The following NRL variants were observed in gnomAD, a reference collection of about 807,000 sequenced individuals.
NRL encodes the protein neural retina leucine zipper.
A neutral mutation model predicts 12.5 loss-of-function variants in NRL; 16 were observed. The observed-to-expected ratio is 1.28, with a 90% confidence interval of 0.87 to 1.95. NRL has a LOEUF of 1.95. Ranked by LOEUF, NRL falls within the 30% of genes most tolerant of loss-of-function variation. The probability of loss-of-function intolerance (pLI) is 0.00; values close to 1 mark genes in which losing one functional copy is unlikely to be tolerated. For missense variants in NRL, 314 were observed against 325.8 expected (o/e 0.96, Z 0.28); for synonymous variants, 142 against 150.9 (o/e 0.94, Z 0.43).
chr14:24,088,193 C>T (rs952564578), intron 1 of NRL, among the ~76,000 whole-genome samples: 1 of 152,214 alleles, frequency 6.6e-6, no homozygotes, highest in African/African-American at 2.4e-5. Flanking sequence ...CCTCTCAGGA[C>T]CACACTCCAG....
At chr14:24,090,820 G>A (rs746448464) in intron 1 of NRL, among the ~76,000 whole-genome samples, 2 of 152,238 alleles carry the variant, frequency 1.3e-5, no homozygotes, top group East Asian at 1.9e-4. Context: ...AAATCTGCAC[G>A]TGAGCCCCTT....
Position 24,094,617 on chromosome 14 carries a change from C to T in NRL, c.-27-11742G>A. On this transcript the variant is annotated intron_variant, in intron 1 of 2. Transcript: ENST00000561028. This position sits in a 1 kb window ranked among gnomAD's most constrained non-coding sequence, Gnocchi z 4.1. ...CGCGTCTCTTGGGAGGGCAGCCGGCCGGTGCTCCTCGTTTCCGCCTGCACC... is the reference window on the plus strand; with the variant it reads ...CGCGTCTCTTGGGAGGGCAGCCGGCTGGTGCTCCTCGTTTCCGCCTGCACC... 3 of 1,465,138 alleles carry T rather than the reference C, an allele frequency of 2.0e-6. No homozygotes were observed. Among genetic ancestry groups the T allele is most frequent in the Non-Finnish European group, 2.7e-6 (3 of 1,109,248 alleles). The allele number at this position is 1,465,138 out of a possible 1,614,324, so 90.8% of individuals were successfully genotyped here.
chr14:24,083,628 C>G (rs767720578), intron 1 of NRL, among the ~76,000 whole-genome samples: 5 of 152,202 alleles, frequency 3.3e-5, no homozygotes, highest in Non-Finnish European at 5.9e-5. Context: ...TCACCTTCAC[C>G]CTTCTGACCC....
rs1342064454 is a variant in NRL at position 24,094,924 on chromosome 14, G to A, written c.-27-12049C>T. 2 of 1,080,192 alleles carry A rather than the reference G, an allele frequency of 1.9e-6. No homozygotes were observed. The highest frequency in any genetic ancestry group is 1.2e-6 in the Non-Finnish European group (1 of 804,622). 66.9% of individuals were successfully genotyped at this position (1,080,192 alleles called of 1,614,324 possible). On this transcript the variant is annotated intron_variant, in intron 1 of 2. Coordinates refer to ENST00000561028, the MANE Select transcript of NRL (RefSeq NM_001354768.3). This position sits in a 1 kb window ranked among gnomAD's most constrained non-coding sequence, Gnocchi z 4.1. ...TAAATATCCATTCCCGGCCTCTCCC[G>A]GACTGGAAGGACTGGAACCTGGCGG...
At chr14:24,083,060 G>A (rs1300838234) in intron 1 of NRL, among the ~76,000 whole-genome samples, 185 bp from the exon 2 acceptor site, 1 of 152,208 alleles carries the variant, frequency 6.6e-6, no homozygotes, top group Admixed American at 6.5e-5. Context: ...GAGGGCAGGG[G>A]CTCCTGACAG....
chr14:24,091,339 C>T (rs2036627125), intron 1 of NRL, among the ~76,000 whole-genome samples: 1 of 152,046 alleles, frequency 6.6e-6, no homozygotes, highest in African/African-American at 2.4e-5. Context: ...TTAGTAGAGA[C>T]GGGGTTTCAC....
chr14:24,091,166 T>TGTGTGTG (rs1491238726), intron 1 of NRL, among the ~76,000 whole-genome samples: 1 of 116,182 alleles, frequency 8.6e-6, no homozygotes, highest in African/African-American at 3.0e-5. Flanking sequence ...TGTGTGTGTG[T>TGTGTGTG]TAGAGACAGA....
chr14:24,104,668 C>A (rs901016689), intron 1 of NRL, among the ~76,000 whole-genome samples: 140 of 144,192 alleles, frequency 9.7e-4, no homozygotes, highest in Non-Finnish European at 1.4e-3. Context: ...CAAAACAAAA[C>A]AAAAAAAAAA....
intron 1 of NRL, chr14:24,084,625 C>G: frequency 3.0e-6 from 3 of 985,438 alleles, no homozygotes; most frequent in Non-Finnish European, 3.6e-6. Context: ...CTGCTCAGCT[C>G]CAGGGGGCTG....
At position 24,082,588 on chromosome 14, in the gene NRL, T is replaced by C; in HGVS notation, c.261A>G (p.Ala87=). The C allele has an allele frequency of 6.2e-7, 1 of 1,613,750 alleles. No individual in the cohort carries two copies. ...TGGCCTCTTCAGGACTCAGCCCCAA[T>C]GCCTCCCCAGCCCCCAGCTGCTGCT... is the stretch of plus-strand genomic sequence containing the variant. ...TLQQQLGAGE[A]LGLSPEEAME... The change falls in exon 2 of 3, where the codon GCA becomes GCG. Residue 87 remains alanine (A), a synonymous_variant. Coordinates refer to ENST00000561028, the MANE Select transcript of NRL (RefSeq NM_001354768.3).
At chr14:24,096,457 G>C (rs1315716847) in intron 1 of NRL, among the ~76,000 whole-genome samples, 2 of 151,978 alleles carry the variant, frequency 1.3e-5, no homozygotes, top group Admixed American at 6.6e-5. Context: ...GTATGGTCTT[G>C]ATCTCCTGAC....
intron 1 of NRL, chr14:24,084,800 G>A (rs1429448876): frequency 1.3e-6 from 1 of 752,034 alleles, no homozygotes; most frequent in Non-Finnish European, 1.6e-6. Flanking sequence ...TATTCTCAAA[G>A]AAGGAAAGGG....
chr14:24,098,271 C>A (rs1252232780), intron 1 of NRL: 11 of 1,614,046 alleles, frequency 6.8e-6, no homozygotes, highest in Non-Finnish European at 9.3e-6. Context: ...GTAACTCCTT[C>A]TCAGCGGGAC....
intron 1 of NRL, chr14:24,102,648 A>C: frequency 2.1e-6 from 2 of 940,914 alleles, no homozygotes; most frequent in Non-Finnish European, 3.2e-6. Context: ...GCAGCTGATG[A>C]GGCAAAAAAA....
Position 24,110,155 on chromosome 14 carries a change from C to T in NRL, c.-28+4567G>A, listed in dbSNP as rs1216636488. 3.2e-5 allele frequency: 5 copies of T among 155,480 alleles called. No homozygotes were observed. In the South Asian group the frequency reaches 7.3e-4, roughly 23 times the overall value. 9.6% of individuals were successfully genotyped at this position (155,480 alleles called of 1,614,324 possible). A position where few individuals can be genotyped will look rare whatever the true frequency, so the allele number is the denominator to read the frequency against. Reference sequence around the variant, plus strand: ...TTTCTTTGAGACGGGGTCTCATTCTCGCCCAGGCTGGATGAAGTGCAGTGG... The same window carrying T: ...TTTCTTTGAGACGGGGTCTCATTCTTGCCCAGGCTGGATGAAGTGCAGTGG... On this transcript the variant is annotated intron_variant, in intron 1 of 2. Transcript: ENST00000561028.
chr14:24,097,268 C>A, intron 1 of NRL: 1 of 842,752 alleles, frequency 1.2e-6, no homozygotes, highest in Non-Finnish European at 1.8e-6. Context: ...TAAACAGACC[C>A]AGAAACTGGG....
rs1173295038 is a variant in NRL at position 24,081,401 on chromosome 14, C to T, written c.549G>A (p.Gln183=). The T allele has an allele frequency of 8.0e-6, 12 of 1,491,662 alleles. No homozygotes were observed. The Admixed American group carries it at 2.7e-4, about 34-fold the overall frequency. The allele number at this position is 1,491,662 out of a possible 1,614,324, so 92.4% of individuals were successfully genotyped here. A position where few individuals can be genotyped will look rare whatever the true frequency, so the allele number is the denominator to read the frequency against. The change falls in exon 3 of 3, where the codon CAG becomes CAA. Residue 183 remains glutamine (Q), a synonymous_variant. Transcript: ENST00000561028. The surrounding 1 kb of genome is among the most constrained non-coding windows in gnomAD (Gnocchi z 4.4). ...CGCGCTCGGCCTCCAGCCCGCGCCG[C>T]TGCTGCAGCCGCTTGGAGCGACAGG... ...AQACRSKRLQ[Q]RRGLEAERAR... is the part of the protein sequence containing the mutation.
At position 24,081,229 on chromosome 14, in the gene NRL, G is replaced by A; in HGVS notation, c.*7C>T. The A allele has an allele frequency of 1.4e-6, 2 of 1,473,812 alleles. No individual in the cohort carries two copies. The highest frequency in any genetic ancestry group is 1.8e-6 in the Non-Finnish European group (2 of 1,109,454). The allele number at this position is 1,473,812 out of a possible 1,614,324, so 91.3% of individuals were successfully genotyped here. Reference sequence around the variant, plus strand: ...CCCCCACTACACCACAAGGTGCTCTGAACGGCTCAGAGGAAGAGGTGGGAG... The same window carrying A: ...CCCCCACTACACCACAAGGTGCTCTAAACGGCTCAGAGGAAGAGGTGGGAG... On this transcript the variant is annotated 3_prime_UTR_variant, in exon 3 of 3. Coordinates refer to ENST00000561028, the MANE Select transcript of NRL (RefSeq NM_001354768.3). The surrounding 1 kb of genome is among the most constrained non-coding windows in gnomAD (Gnocchi z 4.4).
chr14:24,089,859 T>C (rs935120688), intron 1 of NRL, among the ~76,000 whole-genome samples: 1 of 151,944 alleles, frequency 6.6e-6, no homozygotes, highest in Non-Finnish European at 1.5e-5. Context: ...AGAAACAACA[T>C]ATGCAAAGGT....
Sources: gnomAD v4.1 joint callset for allele counts (sites outside exome capture counted in the v4.1 genomes callset) on GRCh38, gnomAD v4.1.1 for gene constraint, Gnocchi (gnomAD v3.1) non-coding constraint, MANE v1.5 for transcripts, NCBI Gene and HGNC (gene_info 2026-07-23, HGNC 2026-07-21) for gene names.